Variants in CFAP299 observed in about 807,000 individuals in gnomAD.
CFAP299 encodes cilia- and flagella-associated protein 299.
Under a neutral mutation model 27.0 loss-of-function variants are expected in CFAP299, and 21 were observed. That is an observed-to-expected ratio of 0.78 (90% CI 0.55 to 1.12). The LOEUF is 1.12. Ranked by LOEUF, CFAP299 falls within the 50% of genes most tolerant of loss-of-function variation. CFAP299 has a pLI of 0.00. For missense variants in CFAP299, 310 were observed against 276.6 expected (o/e 1.12, Z -0.86); for synonymous variants, 104 against 98.1 (o/e 1.06, Z -0.36).
At chr4:80,870,235 A>T in intron 4 of CFAP299, 100 bp downstream of exon 4, 2 of 1,375,804 alleles carry the variant, frequency 1.5e-6, no homozygotes, top group Non-Finnish European at 1.9e-6. Context: ...ATATAACAGG[A>T]ATGTGATATA....
intron 2 of CFAP299, among the ~76,000 whole-genome samples, chr4:80,551,398 C>CATT (rs1330630047): frequency 6.6e-6 from 1 of 151,876 alleles, no homozygotes; most frequent in Non-Finnish European, 1.5e-5. Flanking sequence ...AAGGATAGGA[C>CATT]ATTTTTAAAG....
At chr4:80,473,458 T>C (rs1730111196) in intron 2 of CFAP299, among the ~76,000 whole-genome samples, 1 of 152,014 alleles carries the variant, frequency 6.6e-6, no homozygotes, top group African/African-American at 2.4e-5. Context: ...AAAAAAAAAA[T>C]CTAATGTGTA....
chr4:80,732,070 GACACACACACAC>G (rs76562370), intron 3 of CFAP299, among the ~76,000 whole-genome samples: 1 of 110,434 alleles, frequency 9.1e-6, no homozygotes. Flanking sequence ...CAGACACACA[GACACACACACAC>G]ACACACACAC....
chr4:80,454,436 A>C (rs1320756456), intron 2 of CFAP299, among the ~76,000 whole-genome samples: 1 of 152,194 alleles, frequency 6.6e-6, no homozygotes, highest in Non-Finnish European at 1.5e-5. Context: ...CTGGTATTGA[A>C]GTTGGTGCCC....
chr4:80,747,772 T>C (rs1052555956), intron 3 of CFAP299, among the ~76,000 whole-genome samples: 3 of 152,070 alleles, frequency 2.0e-5, no homozygotes, highest in Non-Finnish European at 4.4e-5. Flanking sequence ...TGGCAAATTT[T>C]ATAGAGCTGT....
In CFAP299 at chr4:80,870,024, A is replaced by T. The variant is rs760896411; in HGVS notation, c.365A>T (p.His122Leu). The T allele has an allele frequency of 1.3e-5, 21 of 1,612,426 alleles. No homozygotes were observed. The East Asian group carries it at 4.0e-4, about 31-fold the overall frequency. The change falls in exon 4 of 6, where the codon CAT (histidine) becomes CTT (leucine). Residue 122 changes from histidine (H) to leucine (L), a missense_variant. Physicochemically the swap from His to Leu is moderately conservative, Grantham distance 99 (BLOSUM62 -3). Coordinates refer to ENST00000358105, the MANE Select transcript of CFAP299 (RefSeq NM_152770.3). ...ATCTTTATTCGTGACAGAAATTCTCATGGGCAAGAGATATCAGGATACATC... is the reference window on the plus strand; with the variant it reads ...ATCTTTATTCGTGACAGAAATTCTCTTGGGCAAGAGATATCAGGATACATC... ...SVIFIRDRNS[H>L]GQEISGYIDY...
At chr4:80,324,476 A>G in the CFAP299 span, among the ~76,000 whole-genome samples, 1 of 152,246 alleles carries the variant, frequency 6.6e-6, no homozygotes, top group Admixed American at 6.5e-5. Flanking sequence ...TACACATGAT[A>G]TCAAAAGTGG....
At chr4:80,595,438 A>G (rs1379393786) in intron 3 of CFAP299, among the ~76,000 whole-genome samples, 4 of 152,200 alleles carry the variant, frequency 2.6e-5, no homozygotes, top group Admixed American at 2.6e-4. Flanking sequence ...TCTTCCACAA[A>G]GTAAGCCCAG....
intron 3 of CFAP299, among the ~76,000 whole-genome samples, chr4:80,861,124 C>A (rs1732317478): frequency 6.6e-6 from 1 of 152,328 alleles, no homozygotes; most frequent in East Asian, 1.9e-4. Flanking sequence ...GCGGGCGCCC[C>A]TCCCCCAGCC....
intron 2 of CFAP299, among the ~76,000 whole-genome samples, chr4:80,561,529 A>C (rs910121043): frequency 1.3e-5 from 2 of 152,118 alleles, no homozygotes; most frequent in African/African-American, 4.8e-5. Flanking sequence ...AATTCAAAAT[A>C]GCTGTATTGA....
At chr4:80,328,664 G>A in the CFAP299 span, among the ~76,000 whole-genome samples, 3 of 152,028 alleles carry the variant, frequency 2.0e-5, no homozygotes, top group African/African-American at 7.2e-5. Context: ...TGAGACTCGT[G>A]GTCATGAATT....
intron 3 of CFAP299, among the ~76,000 whole-genome samples, chr4:80,732,279 A>G (rs1038897251): frequency 5.8e-5 from 8 of 136,842 alleles, no homozygotes; most frequent in Non-Finnish European, 1.1e-4. Context: ...TTTAAGAATC[A>G]CACACCTTAA....
intron 2 of CFAP299, among the ~76,000 whole-genome samples, chr4:80,471,680 A>G (rs1730005053): frequency 6.6e-6 from 1 of 151,862 alleles, no homozygotes; most frequent in South Asian, 2.1e-4. Context: ...ACAATGATAT[A>G]AGGTTCAGGT....
At chr4:80,615,180 C>G (rs1475974710) in intron 3 of CFAP299, among the ~76,000 whole-genome samples, 3 of 152,110 alleles carry the variant, frequency 2.0e-5, no homozygotes, top group Non-Finnish European at 4.4e-5. Flanking sequence ...CTAATATTTA[C>G]TAGTCTGAGC....
At chr4:80,821,322 G>T (rs1025373623) in intron 3 of CFAP299, among the ~76,000 whole-genome samples, 9 of 152,082 alleles carry the variant, frequency 5.9e-5, no homozygotes, top group African/African-American at 1.7e-4. Context: ...AGAGAAAAAG[G>T]TTTTAAATTT....
rs530475802 is a variant in CFAP299 at position 80,910,294 on chromosome 4, CAG to C, written c.477-34514_477-34513del. On this transcript the variant is annotated intron_variant, in intron 4 of 5. Transcript: ENST00000358105. ...TGGTGATCCCTCAAAATGCTAAAAA[CAG>C]AACTACCATTTGACCCAGCAGCCTC... 2.2e-4 allele frequency among the ~76,000 whole-genome samples: 34 copies of C among 152,128 alleles called. No homozygotes were observed. The East Asian group carries it at 6.0e-3, about 27-fold the overall frequency.
At chr4:80,604,544 GC>G (rs1314445731) in intron 3 of CFAP299, among the ~76,000 whole-genome samples, 1 of 152,140 alleles carries the variant, frequency 6.6e-6, no homozygotes, top group Non-Finnish European at 1.5e-5. Context: ...TGGATTGCAA[GC>G]CCCAGTGAAA....
chr4:80,464,946 G>A (rs1009556519), intron 2 of CFAP299, among the ~76,000 whole-genome samples: 3 of 151,826 alleles, frequency 2.0e-5, no homozygotes, highest in Non-Finnish European at 4.4e-5. Flanking sequence ...AATGCTTTAC[G>A]AATGGTATTA....
At chr4:80,635,687 A>G (rs1336734788) in intron 3 of CFAP299, among the ~76,000 whole-genome samples, 2 of 152,198 alleles carry the variant, frequency 1.3e-5, no homozygotes, top group Non-Finnish European at 2.9e-5. Context: ...ATTATTTTAC[A>G]TGATCACTTA....
Sources: gnomAD v4.1 joint callset for allele counts (sites outside exome capture counted in the v4.1 genomes callset) on GRCh38, gnomAD v4.1.1 for gene constraint, MANE v1.5 for transcripts, NCBI Gene and HGNC (gene_info 2026-07-23, HGNC 2026-07-21) for gene names.